Variants in DCAF15 observed in about 807,000 individuals in gnomAD.
DCAF15 encodes the protein DDB1- and CUL4-associated factor 15.
In DCAF15, 24 loss-of-function variants were observed where a neutral mutation model predicts 68.0. The ratio of observed to expected loss-of-function variants is 0.35; its 90% CI spans 0.26 to 0.50. DCAF15 has a LOEUF of 0.50. Ranked by LOEUF, DCAF15 falls within the 20% of genes least tolerant of loss-of-function variation. DCAF15 has a pLI of 0.98. For synonymous variants in DCAF15, 376 were observed against 341.6 expected (o/e 1.10, Z -1.11); for missense variants, 627 against 830.6 (o/e 0.75, Z 3.01).
At position 13,959,105 on chromosome 19, in the gene DCAF15, G is replaced by GC. The variant is rs1363129995; in HGVS notation, c.851dup (p.Glu285Ter). 6.2e-7 allele frequency: 1 copy of GC among 1,612,172 alleles called. No homozygotes were observed. The highest frequency in any genetic ancestry group is 8.5e-7 in the Non-Finnish European group (1 of 1,179,482). On this transcript the variant is annotated frameshift_variant, in exon 7 of 13. Coordinates refer to ENST00000254337, the MANE Select transcript of DCAF15 (RefSeq NM_138353.4). LOFTEE classifies it high-confidence loss of function. Reference sequence around the variant, plus strand: ...AGCACCTGCCCCCTGGCGCCTGCCAGCCCCCCTGAGCCCCAGAGCCCAGAG... The same window carrying GC: ...AGCACCTGCCCCCTGGCGCCTGCCAGCCCCCCCTGAGCCCCAGAGCCCAGAG...
chr19:13,959,980 C>T lies in DCAF15; in HGVS notation c.1441-4C>T. The T allele has an allele frequency of 6.2e-7, 1 of 1,609,942 alleles. No homozygotes were observed. Among genetic ancestry groups the T allele is most frequent in the Non-Finnish European group, 8.5e-7 (1 of 1,179,522 alleles). On this transcript the variant is annotated splice_region_variant and splice_polypyrimidine_tract_variant and intron_variant, in intron 9 of 12. Coordinates refer to ENST00000254337, the MANE Select transcript of DCAF15 (RefSeq NM_138353.4). ...CAGTTGGCATCATCCACCCCCACCC[C>T]CAGGTCTGCCCAGAAACCAACCAGG...
chr19:13,954,265 C>G, intron 1 of DCAF15, 75 bp from the exon 2 acceptor site: 2 of 1,316,416 alleles, frequency 1.5e-6, no homozygotes, highest in Non-Finnish European at 2.2e-6. Context: ...GAGAGCCGCT[C>G]TGCCTCTCTG....
At position 13,959,049 on chromosome 19, in the gene DCAF15, C is replaced by T. The variant is rs771323561; in HGVS notation, c.789C>T (p.Asp263=). 3.1e-6 allele frequency: 5 copies of T among 1,599,628 alleles called. No individual in the cohort carries two copies. In the Admixed American group the frequency reaches 5.1e-5, roughly 16 times the overall value. Reference sequence around the variant, plus strand: ...TCCACCCCCATCTCTTCTTAGGTGACAGGAGTTTCTGCCAAATCCTGTATG... The same window carrying T: ...TCCACCCCCATCTCTTCTTAGGTGATAGGAGTTTCTGCCAAATCCTGTATG... The part of the protein sequence containing the change: ...ACAVSVHSAG[D]RSFCQILYDH... The change falls in exon 7 of 13, where the codon GAC becomes GAT. Residue 263 remains aspartate (D), a synonymous_variant. Transcript: ENST00000254337.
Position 13,959,229 on chromosome 19 carries a change from T to C in DCAF15, c.969T>C (p.Phe323=), listed in dbSNP as rs2145501167. The part of the protein sequence containing the change: ...PSPAIAKAKE[F]VADIFRRAKE... ...CCGCCATTGCCAAAGCCAAGGAGTT[T>C]GTGGCTGACATCTTCCGCCGGGCCA... The change falls in exon 7 of 13, where the codon TTT becomes TTC. Residue 323 remains phenylalanine, a synonymous_variant. Coordinates refer to ENST00000254337, the MANE Select transcript of DCAF15 (RefSeq NM_138353.4). The C allele has an allele frequency of 7.4e-6, 12 of 1,612,948 alleles. No homozygotes were observed. The highest frequency in any genetic ancestry group is 1.0e-5 in the Non-Finnish European group (12 of 1,179,898).
Position 13,959,894 on chromosome 19 carries a change from A to AGGTGGACCCAGGGCGGGCAG in DCAF15, c.1440+4_1440+5insACCCAGGGCGGGCAGGGTGG, listed in dbSNP as rs1555745916. On this transcript the variant is annotated frameshift_variant and splice_region_variant, in exon 9 of 13. Coordinates refer to ENST00000254337, the MANE Select transcript of DCAF15 (RefSeq NM_138353.4). LOFTEE classifies it high-confidence loss of function. The stretch of plus-strand genomic sequence containing the variant: ...AGCGACTATGACATCGTCATTCTGG[A>AGGTGGACCCAGGGCGGGCAG]GGTGGGCCCAGGGCGGGCAGGGTGG... 20 of 1,500,316 alleles carry AGGTGGACCCAGGGCGGGCAG rather than the reference A, an allele frequency of 1.3e-5. No homozygotes were observed. In the Admixed American group the frequency reaches 1.6e-4, roughly 12 times the overall value. 92.9% of individuals were successfully genotyped at this position (1,500,316 alleles called of 1,614,324 possible). A position where few individuals can be genotyped will look rare whatever the true frequency, so the allele number is the denominator to read the frequency against.
At position 13,961,276 on chromosome 19, in the gene DCAF15, C is replaced by A; in HGVS notation, c.*281C>A. On this transcript the variant is annotated 3_prime_UTR_variant, in exon 13 of 13. Coordinates refer to ENST00000254337, the MANE Select transcript of DCAF15 (RefSeq NM_138353.4). Reference sequence around the variant, plus strand: ...CCCCGAGCTGGGCATGGGCCTGGCCCCTCGTGCATTTGCCCTTTTCTCGGC... The same window carrying A: ...CCCCGAGCTGGGCATGGGCCTGGCCACTCGTGCATTTGCCCTTTTCTCGGC... 1 of 536,382 alleles carries A rather than the reference C, an allele frequency of 1.9e-6. No homozygotes were observed. Among genetic ancestry groups the A allele is most frequent in the Non-Finnish European group, 3.4e-6 (1 of 297,160 alleles). The allele number at this position is 536,382 out of a possible 1,614,324, so 33.2% of individuals were successfully genotyped here. A position where few individuals can be genotyped will look rare whatever the true frequency, so the allele number is the denominator to read the frequency against.
At position 13,960,050 on chromosome 19, in the gene DCAF15, A is replaced by G. The variant is rs746524089; in HGVS notation, c.1507A>G (p.Thr503Ala). 1 of 1,613,508 alleles carries G rather than the reference A, an allele frequency of 6.2e-7. No homozygotes were observed. The highest frequency in any genetic ancestry group is 1.1e-5 in the South Asian group (1 of 91,058). The change falls in exon 10 of 13, where the codon ACT becomes GCT. Residue 503 changes from threonine (T) to alanine (A), a missense_variant. Thr to Ala is a moderately conservative substitution (Grantham distance 58, BLOSUM62 0). Around this residue, in one of 3 missense-constraint regions of DCAF15, gnomAD observed 118 missense variants for 211.8 expected, o/e 0.56. Coordinates refer to ENST00000254337, the MANE Select transcript of DCAF15 (RefSeq NM_138353.4). The stretch of plus-strand genomic sequence containing the variant: ...GCTGCTCCTGGCCTTCCCGTCCCCC[A>G]CTGAGGAGGGCCAGCTCCGGTGAGC... ...GLLLLAFPSP[T>A]EEGQLRPKTY...
intron 6 of DCAF15, 146 bp from the exon 7 acceptor site, chr19:13,958,899 C>T: frequency 1.0e-6 from 1 of 961,824 alleles, no homozygotes; most frequent in Non-Finnish European, 1.6e-6. Context: ...AAGGTCTTTC[C>T]CCTTTTGGGT....
At position 13,961,093 on chromosome 19, in the gene DCAF15, C is replaced by T. The variant is rs374437954; in HGVS notation, c.*98C>T. ...TCTTCCTGGCCGGCTGGCCCACCGACTGATGACCGGCACTAGTGTTAGCCT... is the reference window on the plus strand; with the variant it reads ...TCTTCCTGGCCGGCTGGCCCACCGATTGATGACCGGCACTAGTGTTAGCCT... On this transcript the variant is annotated 3_prime_UTR_variant, in exon 13 of 13. Coordinates refer to ENST00000254337, the MANE Select transcript of DCAF15 (RefSeq NM_138353.4). 110 of 1,428,432 alleles carry T rather than the reference C, an allele frequency of 7.7e-5. No individual in the cohort carries two copies. The East Asian group carries it at 1.1e-3, about 14-fold the overall frequency. The allele number at this position is 1,428,432 out of a possible 1,614,324, so 88.5% of individuals were successfully genotyped here. A position where few individuals can be genotyped will look rare whatever the true frequency, so the allele number is the denominator to read the frequency against.
In DCAF15 at chr19:13,959,630, G is replaced by A. The variant is rs768931690; in HGVS notation, c.1268G>A (p.Arg423His). 3.3e-5 allele frequency: 53 copies of A among 1,613,052 alleles called. No individual in the cohort carries two copies. Among genetic ancestry groups the A allele is most frequent in the Middle Eastern group, 3.3e-4 (2 of 6,082 alleles). Residue 423 changes from arginine (R) to histidine (H), a missense_variant, in exon 8 of 13, where the codon CGT becomes CAT. Coordinates refer to ENST00000254337, the MANE Select transcript of DCAF15 (RefSeq NM_138353.4). ...ISLPFVVTDL[R>H]GRNLRPMRER... ...CTGCCCTTCGTGGTGACTGATCTTC[G>A]TGGCCGCAACCTGCGGCCCATGCGG...
chr19:13,958,939 C>A, intron 6 of DCAF15, 106 bp from the exon 7 acceptor site: 5 of 1,381,472 alleles, frequency 3.6e-6, no homozygotes, highest in Non-Finnish European at 4.9e-6. Context: ...ATAGCCAAGT[C>A]TCCTAGAAGT....
At position 13,956,492 on chromosome 19, in the gene DCAF15, G is replaced by A. The variant is rs1391092482; in HGVS notation, c.754G>A (p.Val252Met). 33 of 1,613,370 alleles carry A rather than the reference G, an allele frequency of 2.0e-5. No homozygotes were observed. Among genetic ancestry groups the A allele is most frequent in the Non-Finnish European group, 2.7e-5 (32 of 1,180,008 alleles). ...GCTGCTCAACACCAGCTACTCCCTGGTGGCCTGCGCCGTCTCCGTCCACTC... is the reference window on the plus strand; with the variant it reads ...GCTGCTCAACACCAGCTACTCCCTGATGGCCTGCGCCGTCTCCGTCCACTC... Reference protein sequence around the residue: ...VVLLNTSYSLVACAVSVHSAG... With the variant: ...VVLLNTSYSLMACAVSVHSAG... The change falls in exon 6 of 13, where the codon GTG becomes ATG. Residue 252 changes from valine to methionine, a missense_variant. Around this residue, in one of 3 missense-constraint regions of DCAF15, gnomAD observed 273 missense variants for 393.7 expected, o/e 0.69. Transcript: ENST00000254337.
intron 1 of DCAF15, chr19:13,953,146 G>A (rs1420570992): frequency 6.5e-7 from 1 of 1,547,594 alleles, no homozygotes; most frequent in Admixed American, 2.0e-5. Flanking sequence ...TTGAAAGTGT[G>A]GGAGCTCCCT....
chr19:13,959,540 C>T, intron 7 of DCAF15, 42 bp from the exon 8 acceptor site: 1 of 1,611,478 alleles, frequency 6.2e-7, no homozygotes, highest in South Asian at 1.1e-5. Flanking sequence ...AGACGGGGCC[C>T]CTGGCCTCCC....
Position 13,959,470 on chromosome 19 carries a change from C to A in DCAF15, c.1210C>A (p.Pro404Thr), listed in dbSNP as rs765462983. ...GCTGGAGTCCGGAGAGGGGACGGAG[C>A]CGGAGGATGGTGAGCGGGGGGCAGG... ...YVLESGEGTE[P>T]EDELEDDKIS... Residue 404 changes from proline to threonine, a missense_variant, in exon 7 of 13, where the codon CCG becomes ACG. Around this residue, in one of 3 missense-constraint regions of DCAF15, gnomAD observed 236 missense variants for 225.1 expected, o/e 1.05. Coordinates refer to ENST00000254337, the MANE Select transcript of DCAF15 (RefSeq NM_138353.4). 4 of 1,609,084 alleles carry A rather than the reference C, an allele frequency of 2.5e-6. No individual in the cohort carries two copies. In the African/African-American group the frequency reaches 5.3e-5, roughly 22 times the overall value.
intron 6 of DCAF15, among the ~76,000 whole-genome samples, 191 bp downstream of exon 6, chr19:13,956,713 A>G (rs1034829636): frequency 6.6e-6 from 1 of 152,244 alleles, no homozygotes; most frequent in African/African-American, 2.4e-5. Context: ...GGATCTTTCC[A>G]GTGGCTGAGA....
intron 1 of DCAF15, 54 bp downstream of exon 1, chr19:13,952,698 A>C: frequency 1.3e-6 from 1 of 757,510 alleles, no homozygotes; most frequent in Non-Finnish European, 1.6e-6. Context: ...AGTAGGGACG[A>C]GGGAGGCGGA....
rs980785542 is a variant in DCAF15 at position 13,953,024 on chromosome 19, T to G, written c.132+380T>G. Reference sequence around the variant, plus strand: ...CCATAATGGAACCTTCCCGCCCCCTTTGCAGAGCCCCTGCCGCTGGCTTTG... The same window carrying G: ...CCATAATGGAACCTTCCCGCCCCCTGTGCAGAGCCCCTGCCGCTGGCTTTG... On this transcript the variant is annotated intron_variant, in intron 1 of 12. Coordinates refer to ENST00000254337, the MANE Select transcript of DCAF15 (RefSeq NM_138353.4). 26 of 1,399,224 alleles carry G rather than the reference T, an allele frequency of 1.9e-5. No individual in the cohort carries two copies. In the Admixed American group the frequency reaches 5.1e-4, roughly 28 times the overall value. 86.7% of individuals were successfully genotyped at this position (1,399,224 alleles called of 1,614,324 possible). A position where few individuals can be genotyped will look rare whatever the true frequency, so the allele number is the denominator to read the frequency against.
Position 13,959,436 on chromosome 19 carries a change from G to C in DCAF15, c.1176G>C (p.Leu392=). The change falls in exon 7 of 13, where the codon CTG becomes CTC. Residue 392 remains leucine, a synonymous_variant. Transcript: ENST00000254337. ...CTGGCTATGTCAACTACACCAAGCT[G>C]TACTATGTGCTGGAGTCCGGAGAGG... ...SEPGYVNYTK[L]YYVLESGEGT... 6.2e-7 allele frequency: 1 copy of C among 1,610,264 alleles called. No individual in the cohort carries two copies. The highest frequency in any genetic ancestry group is 8.5e-7 in the Non-Finnish European group (1 of 1,179,778).
Sources: gnomAD v4.1 joint callset for allele counts (sites outside exome capture counted in the v4.1 genomes callset) on GRCh38, gnomAD v4.1.1 for gene constraint, gnomAD v4.1.1 regional missense constraint, MANE v1.5 for transcripts, NCBI Gene and HGNC (gene_info 2026-07-23, HGNC 2026-07-21) for gene names.